The following MYO6 variants were observed in gnomAD, a reference collection of about 807,000 sequenced individuals.
MYO6 encodes the protein unconventional myosin-VI.
MYO6 carries 74 observed loss-of-function variants against 178.7 expected under a neutral mutation model. The ratio of observed to expected loss-of-function variants is 0.41; its 90% CI spans 0.34 to 0.50. The LOEUF (loss-of-function observed/expected upper bound fraction) is 0.50, where lower values mean the gene tolerates loss of function less well. Ranked by LOEUF, MYO6 falls within the 20% of genes least tolerant of loss-of-function variation. MYO6 has a pLI of 0.09. For synonymous variants in MYO6, 477 were observed against 504.6 expected (o/e 0.95, Z 0.73); for missense variants, 1,330 against 1,547.4 (o/e 0.86, Z 2.36).
chr6:75,903,162 G>T (rs962998103), intron 30 of MYO6, among the ~76,000 whole-genome samples: 2 of 152,122 alleles, frequency 1.3e-5, no homozygotes, highest in East Asian at 3.9e-4. Context: ...GGTCAATTTT[G>T]GAATAGGTGT....
At chr6:75,752,083 C>T (rs1010743407) in intron 1 of MYO6, among the ~76,000 whole-genome samples, 1 of 151,626 alleles carries the variant, frequency 6.6e-6, no homozygotes, top group Non-Finnish European at 1.5e-5. Flanking sequence ...ACCTCCGTCT[C>T]CTGGGTTCAA....
intron 1 of MYO6, among the ~76,000 whole-genome samples, chr6:75,753,455 GTATATATA>G (rs58108910): frequency 1.1e-4 from 16 of 140,058 alleles, no homozygotes; most frequent in African/African-American, 3.8e-4. Context: ...GTGTGTGTGT[GTATATATA>G]TATATATATA....
At chr6:75,791,207 A>C (rs1277756159) in intron 1 of MYO6, among the ~76,000 whole-genome samples, 4 of 152,240 alleles carry the variant, frequency 2.6e-5, no homozygotes, top group African/African-American at 9.6e-5. Flanking sequence ...TGCTGGGATT[A>C]AAGGTGTGAG....
Position 75,915,887 on chromosome 6 carries a change from C to A in MYO6, c.*875C>A, listed in dbSNP as rs184099248. The A allele has an allele frequency of 1.3e-5, 2 of 152,510 alleles. No individual in the cohort carries two copies. The highest frequency in any genetic ancestry group is 2.4e-5 in the African/African-American group (1 of 41,428). 9.4% of individuals were successfully genotyped at this position (152,510 alleles called of 1,614,324 possible). A position where few individuals can be genotyped will look rare whatever the true frequency, so the allele number is the denominator to read the frequency against. On this transcript the variant is annotated 3_prime_UTR_variant, in exon 35 of 35. Coordinates refer to ENST00000369977, the MANE Select transcript of MYO6 (RefSeq NM_004999.4). ...AGTGATTTTTGTATCAGAATCTTGT[C>A]CAAGTTGTTTCATTGATTTAGTAAG...
chr6:75,874,214 C>T (rs890869035), intron 20 of MYO6, among the ~76,000 whole-genome samples: 6 of 152,014 alleles, frequency 3.9e-5, no homozygotes, highest in Non-Finnish European at 2.9e-5. Flanking sequence ...CTTCAGCCCC[C>T]GCCTCACAAA....
chr6:75,764,044 C>T (rs547621177), intron 1 of MYO6, among the ~76,000 whole-genome samples: 5 of 152,068 alleles, frequency 3.3e-5, no homozygotes, highest in Non-Finnish European at 7.4e-5. Flanking sequence ...ACCTCTTCAT[C>T]TATTTCTTTT....
In MYO6 at chr6:75,788,974, A is replaced by AT. The variant is rs571309661; in HGVS notation, c.-47-28526dup. 4.6e-5 allele frequency among the ~76,000 whole-genome samples: 7 copies of AT among 152,342 alleles called. No individual in the cohort carries two copies. In the South Asian group the frequency reaches 1.5e-3, roughly 32 times the overall value. ...AGCAAAGGCAACATGATATTCCTTCATATGCAATGTAACTTCTTCACAAAA... is the reference window on the plus strand; with the variant it reads ...AGCAAAGGCAACATGATATTCCTTCATTATGCAATGTAACTTCTTCACAAAA... On this transcript the variant is annotated intron_variant, in intron 1 of 34. Transcript: ENST00000369977.
chr6:75,750,379 G>C (rs559056180), intron 1 of MYO6, among the ~76,000 whole-genome samples: 3 of 152,072 alleles, frequency 2.0e-5, no homozygotes, highest in African/African-American at 7.2e-5. Context: ...ACAGGCGTGA[G>C]CCACTGCGCC....
At chr6:75,758,381 G>T (rs946088540) in intron 1 of MYO6, among the ~76,000 whole-genome samples, 1 of 151,850 alleles carries the variant, frequency 6.6e-6, no homozygotes, top group African/African-American at 2.4e-5. Context: ...GCTTATTTGG[G>T]GCTTATAGCA....
At chr6:75,843,481 C>T (rs962167147) in intron 9 of MYO6, among the ~76,000 whole-genome samples, 5 of 152,028 alleles carry the variant, frequency 3.3e-5, no homozygotes, top group Non-Finnish European at 5.9e-5. Context: ...AATAGATGGC[C>T]GGGATAGTGT....
intron 8 of MYO6, 95 bp from the exon 9 acceptor site, chr6:75,841,119 A>G (rs1774177524): frequency 5.0e-6 from 6 of 1,189,870 alleles, no homozygotes; most frequent in East Asian, 2.6e-5. Context: ...TTGATAGACA[A>G]ATGGTATTAG....
intron 23 of MYO6, among the ~76,000 whole-genome samples, chr6:75,882,329 C>G (rs1778105655): frequency 1.3e-5 from 2 of 152,282 alleles, no homozygotes; most frequent in Non-Finnish European, 2.9e-5. Context: ...TCCATTAGCT[C>G]CCAGACTGGT....
intron 1 of MYO6, among the ~76,000 whole-genome samples, chr6:75,809,093 TC>T (rs899990105): frequency 2.0e-5 from 3 of 152,230 alleles, no homozygotes; most frequent in African/African-American, 7.2e-5. Flanking sequence ...GTTCTGGCTG[TC>T]CTTCATCCAC....
intron 1 of MYO6, among the ~76,000 whole-genome samples, chr6:75,754,029 A>G (rs1363399940): frequency 6.6e-6 from 1 of 152,198 alleles, no homozygotes; most frequent in Non-Finnish European, 1.5e-5. Context: ...ATCTTTAGAA[A>G]TCTTGCTGGT....
intron 16 of MYO6, among the ~76,000 whole-genome samples, chr6:75,863,209 G>A (rs1327870185): frequency 6.6e-6 from 1 of 152,196 alleles, no homozygotes; most frequent in Non-Finnish European, 1.5e-5. Context: ...GGCACTCGGA[G>A]TCGCAAGCAG....
At chr6:75,860,834 A>G (rs1331234763) in intron 14 of MYO6, among the ~76,000 whole-genome samples, 189 bp from the exon 15 acceptor site, 1 of 152,138 alleles carries the variant, frequency 6.6e-6, no homozygotes, top group South Asian at 2.1e-4. Flanking sequence ...GTTAATTGCT[A>G]TTTCCTTACC....
chr6:75,899,704 T>TC (rs1272938534), intron 30 of MYO6, among the ~76,000 whole-genome samples: 2 of 104,188 alleles, frequency 1.9e-5, no homozygotes, highest in East Asian at 4.2e-4. Flanking sequence ...ACATTATTCT[T>TC]TTTTTTTTTT....
chr6:75,889,807 T>A (rs1029656023), intron 25 of MYO6, among the ~76,000 whole-genome samples: 1 of 152,226 alleles, frequency 6.6e-6, no homozygotes, highest in African/African-American at 2.4e-5. Flanking sequence ...CATAAAACAT[T>A]TTTTGAATAG....
chr6:75,838,091 C>T (rs964305911), intron 7 of MYO6, among the ~76,000 whole-genome samples: 1 of 148,688 alleles, frequency 6.7e-6, no homozygotes, highest in Non-Finnish European at 1.5e-5. Context: ...CTCACTCTGT[C>T]GCCGAGTCTG....
Sources: gnomAD v4.1 joint callset for allele counts (sites outside exome capture counted in the v4.1 genomes callset) on GRCh38, gnomAD v4.1.1 for gene constraint, MANE v1.5 for transcripts, NCBI Gene and HGNC (gene_info 2026-07-23, HGNC 2026-07-21) for gene names.